The following NT5DC2 variants were observed in gnomAD, a reference collection of about 807,000 sequenced individuals.
NT5DC2 encodes 5'-nucleotidase domain-containing protein 2.
Under a neutral mutation model 70.0 loss-of-function variants are expected in NT5DC2, and 41 were observed. That is an observed-to-expected ratio of 0.59 (90% CI 0.46 to 0.76). The LOEUF (loss-of-function observed/expected upper bound fraction) is 0.76. NT5DC2 is among the 30% of genes least tolerant of loss of function. The probability of loss-of-function intolerance (pLI) is 0.00; values close to 1 mark genes in which losing one functional copy is unlikely to be tolerated. For synonymous variants in NT5DC2, 299 were observed against 310.4 expected, an observed-to-expected ratio of 0.96 and a Z score of 0.39; for missense variants, 705 against 783.2, an observed-to-expected ratio of 0.90 and a Z score of 1.19.
chr3:52,526,147 G>GTGTT (rs1351611151), intron 10 of NT5DC2: 1 of 152,336 alleles, frequency 6.6e-6, no homozygotes, highest in African/African-American at 2.4e-5. Flanking sequence ...AGAAAGTCAT[G>GTGTT]TGTTTCTCAC....
intron 10 of NT5DC2, 33 bp downstream of exon 10, chr3:52,527,261 C>T (rs751849893): frequency 6.2e-7 from 1 of 1,604,176 alleles, no homozygotes; most frequent in Non-Finnish European, 8.5e-7. Flanking sequence ...CCCATGCCCC[C>T]ACCACATGCT....
Position 52,525,155 on chromosome 3 carries a change from G to C in NT5DC2, c.1207-52C>G, listed in dbSNP as rs749860780. ...CTCAGCGCCAGTTGCTGGGGGCGGG[G>C]GGGGGGGGGTTTCCTGGCCCTCCCC... On this transcript the variant is annotated intron_variant, in intron 11 of 13. Transcript: ENST00000422318. 242 of 369,860 alleles carry C rather than the reference G, an allele frequency of 6.5e-4. 2 individuals carry two copies. In the African/African-American group the frequency reaches 8.0e-3, roughly 12 times the overall value. The allele number at this position is 369,860 out of a possible 1,614,324, so 22.9% of individuals were successfully genotyped here.
rs569139201 is a variant in NT5DC2, at chr3:52,531,194, G to C, written c.233-1860C>G. Among the ~76,000 whole-genome samples, 7 of 152,358 alleles carry C rather than the reference G, an allele frequency of 4.6e-5. No homozygotes were observed. The highest frequency in any genetic ancestry group is 1.7e-4 in the African/African-American group (7 of 41,580). ...AGCCAAGTTCAGGGTGTGGGTGGGGGATCAGGTGTGGCTGGTTCCCCAGGC... is the reference window on the plus strand; with the variant it reads ...AGCCAAGTTCAGGGTGTGGGTGGGGCATCAGGTGTGGCTGGTTCCCCAGGC... On this transcript the variant is annotated intron_variant, in intron 1 of 13. Coordinates refer to ENST00000422318, the MANE Select transcript of NT5DC2 (RefSeq NM_001134231.2). This position sits in a 1 kb window ranked among gnomAD's most constrained non-coding sequence, Gnocchi z 4.1.
chr3:52,527,775 C>T (rs1048380844), intron 8 of NT5DC2, 54 bp downstream of exon 8: 1 of 1,610,444 alleles, frequency 6.2e-7, no homozygotes, highest in Non-Finnish European at 8.5e-7. Context: ...TGCCTGCCCT[C>T]CCCACCCAGA....
In NT5DC2 at chr3:52,533,496, G is replaced by A. The variant is rs1229495253; in HGVS notation, c.232+10C>T. 2.0e-6 allele frequency: 3 copies of A among 1,495,958 alleles called. No homozygotes were observed. The highest frequency in any genetic ancestry group is 2.1e-5 in the Admixed American group (1 of 46,958). The allele number at this position is 1,495,958 out of a possible 1,614,324, so 92.7% of individuals were successfully genotyped here. A position where few individuals can be genotyped will look rare whatever the true frequency, so the allele number is the denominator to read the frequency against. ...ACACCCCGGCGCACGTCCCGCCCCG[G>A]CTCACCCACCGTGCACCAGTCTCCG... On this transcript the variant is annotated intron_variant, in intron 1 of 13. Transcript: ENST00000422318.
rs1317780576 is a variant in NT5DC2 at position 52,528,138 on chromosome 3, G to A, written c.771+45C>T. The A allele has an allele frequency of 8.1e-6, 13 of 1,612,846 alleles. No homozygotes were observed. In the South Asian group the frequency reaches 1.4e-4, roughly 18 times the overall value. On this transcript the variant is annotated intron_variant, in intron 6 of 13. Transcript: ENST00000422318. ...AGGTGGGGCTGTCCCACTGTGGCTG[G>A]ACTTAGTCTTTCCTGCCATCCGAGG...
At chr3:52,527,495 T>G in intron 9 of NT5DC2, 120 bp from the exon 10 acceptor site, 1 of 1,436,926 alleles carries the variant, frequency 7.0e-7, no homozygotes, top group Non-Finnish European at 9.6e-7. Flanking sequence ...CAAGGGGGTG[T>G]TCTCACCCCA....
rs750920811 is a variant in NT5DC2, at chr3:52,524,719, C to T, written c.1425G>A (p.Lys475=). 1 of 1,612,724 alleles carries T rather than the reference C, an allele frequency of 6.2e-7. No individual in the cohort carries two copies. The highest frequency in any genetic ancestry group is 8.5e-7 in the Non-Finnish European group (1 of 1,179,994). Residue 475 remains lysine (K), a synonymous_variant, in exon 14 of 14, where the codon AAG becomes AAA. Transcript: ENST00000422318. ...TGCCGAACTGCGCATTGAACAGGGCCTTGGTGATGCACCTGGCGAGGGAGA... is the reference window on the plus strand; with the variant it reads ...TGCCGAACTGCGCATTGAACAGGGCTTTGGTGATGCACCTGGCGAGGGAGA... ...KERQELRCIT[K]ALFNAQFGSI...
chr3:52,528,386 T>A, intron 5 of NT5DC2, 60 bp downstream of exon 5: 1 of 1,613,184 alleles, frequency 6.2e-7, no homozygotes, highest in Non-Finnish European at 8.5e-7. Flanking sequence ...GGGCCCCAAA[T>A]CTGCCTTGGG....
chr3:52,534,062 C>T, upstream of NT5DC2: 1 of 216,602 alleles, frequency 4.6e-6, no homozygotes, highest in Non-Finnish European at 8.8e-6. Flanking sequence ...TGGCCCCAGC[C>T]CTGGAAGTCA....
upstream of NT5DC2, chr3:52,534,788 C>T: frequency 1.7e-6 from 2 of 1,184,264 alleles, no homozygotes; most frequent in Middle Eastern, 2.2e-4. Flanking sequence ...CTGAGGTGGC[C>T]GCGCTGTCTT....
At chr3:52,533,399 C>T in intron 1 of NT5DC2, 107 bp downstream of exon 1, 2 of 1,211,566 alleles carry the variant, frequency 1.7e-6, no homozygotes, top group Non-Finnish European at 2.2e-6. Flanking sequence ...GGGGCCCTGG[C>T]GAGCCCCACT....
rs2079332879 is a variant in NT5DC2 at position 52,529,582 on chromosome 3, C to T, written c.233-248G>A. ...CTCATGGTTACACCTGCCTACATTACACTATCTCCTATAGCCCACCAGGTA... is the reference window on the plus strand; with the variant it reads ...CTCATGGTTACACCTGCCTACATTATACTATCTCCTATAGCCCACCAGGTA... On this transcript the variant is annotated intron_variant, in intron 1 of 13. Transcript: ENST00000422318. This position sits in a 1 kb window ranked among gnomAD's most constrained non-coding sequence, Gnocchi z 4.1. Among the ~76,000 whole-genome samples, 2 of 152,112 alleles carry T rather than the reference C, an allele frequency of 1.3e-5. No individual in the cohort carries two copies. The highest frequency in any genetic ancestry group is 1.3e-4 in the Admixed American group (2 of 15,280).
chr3:52,528,977 C>T (rs2079322591), intron 2 of NT5DC2, 42 bp from the exon 3 acceptor site: 1 of 1,610,416 alleles, frequency 6.2e-7, no homozygotes, highest in African/African-American at 1.3e-5. Context: ...ATAGCCCTGC[C>T]AGACCTGCTG....
At position 52,528,173 on chromosome 3, in the gene NT5DC2, G is replaced by A. The variant is rs2079307186; in HGVS notation, c.771+10C>T. Reference sequence around the variant, plus strand: ...TTCCTGCCATCCGAGGGCAGGCCCAGCATCCTCACCGTCACGTCCTTGTAG... The same window carrying A: ...TTCCTGCCATCCGAGGGCAGGCCCAACATCCTCACCGTCACGTCCTTGTAG... On this transcript the variant is annotated intron_variant, in intron 6 of 13. Coordinates refer to ENST00000422318, the MANE Select transcript of NT5DC2 (RefSeq NM_001134231.2). 2 of 1,612,982 alleles carry A rather than the reference G, an allele frequency of 1.2e-6. No individual in the cohort carries two copies. Among genetic ancestry groups the A allele is most frequent in the Non-Finnish European group, 8.5e-7 (1 of 1,180,046 alleles).
At chr3:52,525,407 C>G (rs879103025) in intron 10 of NT5DC2, 112 bp from the exon 11 acceptor site, 2 of 763,558 alleles carry the variant, frequency 2.6e-6, no homozygotes, top group African/African-American at 3.5e-5. Context: ...GCTGCCCTTT[C>G]CCATGGCCTT....
rs2079372977 is a variant in NT5DC2 at position 52,532,397 on chromosome 3, T to C, written c.232+1109A>G. 8.1e-6 allele frequency: 8 copies of C among 985,270 alleles called. No homozygotes were observed. In the South Asian group the frequency reaches 3.3e-4, roughly 41 times the overall value. The allele number at this position is 985,270 out of a possible 1,614,324, so 61.0% of individuals were successfully genotyped here. On this transcript the variant is annotated intron_variant, in intron 1 of 13. Transcript: ENST00000422318. ...CCCCTCCACAGACACAAACTCAACC[T>C]GGGACCTCGAGGGTGGACAGATGCC...
chr3:52,533,356 T>C, intron 1 of NT5DC2, 150 bp downstream of exon 1: 1 of 783,336 alleles, frequency 1.3e-6, no homozygotes, highest in Non-Finnish European at 1.8e-6. Context: ...CGGCCGGAGC[T>C]TCTCGCGAAA....
upstream of NT5DC2, chr3:52,534,629 GC>G (rs1436912422): frequency 5.0e-6 from 8 of 1,613,510 alleles, no homozygotes; most frequent in Non-Finnish European, 6.8e-6. Flanking sequence ...CCTCTTTCCT[GC>G]GCAGAACCGC....
Sources: allele counts gnomAD v4.1 joint callset (sites outside exome capture counted in the v4.1 genomes callset), GRCh38; gene constraint gnomAD v4.1.1; non-coding constraint Gnocchi (gnomAD v3.1); transcripts MANE v1.5; gene names NCBI Gene and HGNC (gene_info 2026-07-23, HGNC 2026-07-21).